MAGI1: variants seen among roughly 807,000 people sequenced by gnomAD.
MAGI1 encodes membrane associated guanylate kinase, WW and PDZ domain containing 1.
A neutral mutation model predicts 139.9 loss-of-function variants in MAGI1; 58 were observed. The ratio of observed to expected loss-of-function variants is 0.41; its 90% CI spans 0.34 to 0.52. MAGI1 has a LOEUF of 0.52. MAGI1 is among the 20% of genes least tolerant of loss of function. The pLI, the probability that MAGI1 is intolerant of heterozygous loss-of-function variation, is 0.12. For synonymous variants in MAGI1, 812 were observed against 737.9 expected (o/e 1.10, Z -1.63); for missense variants, 1,874 against 1,901.6 (o/e 0.99, Z 0.27).
At position 66,038,518 on chromosome 3, in the gene MAGI1, G is replaced by C; in HGVS notation, c.-210C>G. ...CTTTCTGGGCTTCCCCGCGAGCCCCGCACAGGCGCCCGCGAGCTTTGTTTG... is the reference window on the plus strand; with the variant it reads ...CTTTCTGGGCTTCCCCGCGAGCCCCCCACAGGCGCCCGCGAGCTTTGTTTG... On this transcript the variant is annotated 5_prime_UTR_variant, in exon 1 of 23. Coordinates refer to ENST00000402939, the MANE Select transcript of MAGI1 (RefSeq NM_001033057.2). 1 of 634,690 alleles carries C rather than the reference G, an allele frequency of 1.6e-6. No homozygotes were observed. The highest frequency in any genetic ancestry group is 2.4e-6 in the Non-Finnish European group (1 of 413,296). The allele number at this position is 634,690 out of a possible 1,614,324, so 39.3% of individuals were successfully genotyped here.
intron 1 of MAGI1, among the ~76,000 whole-genome samples, chr3:65,849,468 C>CATATATATATATAT (rs10529813): frequency 2.1e-4 from 30 of 144,750 alleles, no homozygotes; most frequent in African/African-American, 5.3e-4. Flanking sequence ...AGTAAACTTT[C>CATATATATATATAT]ATATATATAT....
chr3:65,440,686 C>A (rs980213844), intron 8 of MAGI1, among the ~76,000 whole-genome samples: 2 of 151,952 alleles, frequency 1.3e-5, no homozygotes, highest in African/African-American at 4.8e-5. Context: ...AAAGTACAGG[C>A]CTTAGGCAGA....
intron 1 of MAGI1, among the ~76,000 whole-genome samples, chr3:65,673,341 T>C (rs527282128): frequency 6.6e-6 from 1 of 152,368 alleles, no homozygotes; most frequent in South Asian, 2.1e-4. Context: ...TAAACTTTTA[T>C]ATGAATCTTG....
intron 1 of MAGI1, among the ~76,000 whole-genome samples, chr3:65,627,666 C>T (rs2084056962): frequency 6.6e-6 from 1 of 151,534 alleles, no homozygotes; most frequent in Non-Finnish European, 1.5e-5. Context: ...CACCACCATG[C>T]CCAGCTAATT....
intron 8 of MAGI1, among the ~76,000 whole-genome samples, chr3:65,440,904 GTA>G (rs200311050): frequency 2.1e-5 from 3 of 142,528 alleles, no homozygotes; most frequent in Admixed American, 7.1e-5. Flanking sequence ...ACATATGTGT[GTA>G]TATATATATA....
chr3:65,959,987 T>C (rs1030354150), intron 1 of MAGI1, among the ~76,000 whole-genome samples: 1 of 151,218 alleles, frequency 6.6e-6, no homozygotes, highest in African/African-American at 2.4e-5. Context: ...TTTGTATTTT[T>C]TAGTAGAGAC....
chr3:65,570,935 G>A (rs566437328), intron 2 of MAGI1, among the ~76,000 whole-genome samples: 13 of 152,230 alleles, frequency 8.5e-5, no homozygotes, highest in Admixed American at 4.6e-4. Context: ...CTCAATTACC[G>A]AATAACACTC....
At chr3:65,438,197 A>G (rs1168772439) in intron 9 of MAGI1, among the ~76,000 whole-genome samples, 2 of 152,194 alleles carry the variant, frequency 1.3e-5, no homozygotes, top group Non-Finnish European at 2.9e-5. Context: ...TTCAGCCATA[A>G]AAAAGAGAAT....
At chr3:65,902,026 C>T (rs1030094025) in intron 1 of MAGI1, among the ~76,000 whole-genome samples, 3 of 152,048 alleles carry the variant, frequency 2.0e-5, no homozygotes, top group East Asian at 3.9e-4. Flanking sequence ...ATTTATTAAA[C>T]GCTAAGGAAT....
intron 2 of MAGI1, among the ~76,000 whole-genome samples, chr3:65,533,073 C>G (rs2078794412): frequency 6.6e-6 from 1 of 152,188 alleles, no homozygotes; most frequent in Non-Finnish European, 1.5e-5. Context: ...TCCACTGTAG[C>G]CCCGCACACT....
chr3:66,025,104 A>G (rs1169571720), intron 1 of MAGI1, among the ~76,000 whole-genome samples: 1 of 152,260 alleles, frequency 6.6e-6, no homozygotes, highest in East Asian at 1.9e-4. Context: ...GAGGGTAGTC[A>G]TCAATATGTT....
At chr3:65,967,846 G>A (rs1393615419) in intron 1 of MAGI1, among the ~76,000 whole-genome samples, 1 of 152,216 alleles carries the variant, frequency 6.6e-6, no homozygotes, top group African/African-American at 2.4e-5. Context: ...GGAAGGAAGA[G>A]TGAGGAAGGG....
intron 12 of MAGI1, among the ~76,000 whole-genome samples, chr3:65,427,749 A>C (rs553018667): frequency 5.8e-4 from 89 of 152,318 alleles, no homozygotes; most frequent in African/African-American, 2.0e-3. Flanking sequence ...CTCACAGGGA[A>C]GTGACAAATA....
chr3:65,388,157 A>G (rs1342388077), intron 14 of MAGI1, among the ~76,000 whole-genome samples: 1 of 152,210 alleles, frequency 6.6e-6, no homozygotes, highest in African/African-American at 2.4e-5. Flanking sequence ...AGGATTCATG[A>G]ACACATTTGT....
intron 3 of MAGI1, among the ~76,000 whole-genome samples, chr3:65,484,407 G>A (rs1476819418): frequency 6.6e-6 from 1 of 152,162 alleles, no homozygotes; most frequent in Non-Finnish European, 1.5e-5. Flanking sequence ...CTATGGCTGG[G>A]AATCTACAGC....
chr3:65,522,230 G>C (rs1023423875), intron 2 of MAGI1, among the ~76,000 whole-genome samples: 1 of 152,162 alleles, frequency 6.6e-6, no homozygotes, highest in African/African-American at 2.4e-5. Flanking sequence ...ACTTCTCAAA[G>C]GTGTTGAATA....
chr3:65,847,867 G>A (rs1174861504), intron 1 of MAGI1, among the ~76,000 whole-genome samples: 2 of 152,148 alleles, frequency 1.3e-5, no homozygotes, highest in African/African-American at 4.8e-5. Flanking sequence ...TAGCAGAGCT[G>A]GGATTTAAAT....
chr3:65,579,444 T>G (rs1241316056), intron 2 of MAGI1, among the ~76,000 whole-genome samples: 1 of 152,184 alleles, frequency 6.6e-6, no homozygotes, highest in Admixed American at 6.5e-5. Flanking sequence ...ACTACACAAG[T>G]GACTTCCAAA....
intron 1 of MAGI1, among the ~76,000 whole-genome samples, chr3:65,809,166 TA>T (rs1202041413): frequency 6.6e-6 from 1 of 152,190 alleles, no homozygotes; most frequent in Non-Finnish European, 1.5e-5. Context: ...CAGAGCAGCG[TA>T]AAAAGGTTTC....
Sources: gnomAD v4.1 joint callset for allele counts (sites outside exome capture counted in the v4.1 genomes callset) on GRCh38, gnomAD v4.1.1 for gene constraint, MANE v1.5 for transcripts, NCBI Gene and HGNC (gene_info 2026-07-23, HGNC 2026-07-21) for gene names.